Variants in HECW2 observed in about 807,000 individuals in gnomAD.
The protein encoded by HECW2 is E3 ubiquitin-protein ligase HECW2.
A neutral mutation model predicts 175.2 loss-of-function variants in HECW2; 61 were observed. The observed-to-expected ratio is 0.35, with a 90% CI of 0.28 to 0.43. The LOEUF (loss-of-function observed/expected upper bound fraction) is 0.43. HECW2 is among the 20% of genes least tolerant of loss of function. HECW2 has a pLI of 1.00. For missense variants in HECW2, 1,524 were observed against 2,000.5 expected (o/e 0.76, Z 4.54); for synonymous variants, 671 against 731.0 (o/e 0.92, Z 1.32).
intron 6 of HECW2, 42 bp from the exon 7 acceptor site, chr2:196,322,662 C>T: frequency 6.5e-7 from 1 of 1,538,048 alleles, no homozygotes; most frequent in Non-Finnish European, 9.0e-7. Flanking sequence ...AAAAGAAAGA[C>T]AAATATGATA....
intron 2 of HECW2, among the ~76,000 whole-genome samples, chr2:196,356,340 T>C (rs1353432221): frequency 2.6e-5 from 4 of 152,238 alleles, no homozygotes; most frequent in South Asian, 4.1e-4. Flanking sequence ...CTCGTATCCA[T>C]AGTTTCACTT....
chr2:196,239,178 C>A (rs373862367), intron 21 of HECW2: 4 of 152,252 alleles, frequency 2.6e-5, no homozygotes, highest in African/African-American at 9.6e-5. Flanking sequence ...CTCATGCAAA[C>A]TTCTGTACAA....
intron 1 of HECW2, among the ~76,000 whole-genome samples, chr2:196,459,884 C>T (rs10205407): frequency 2.6e-5 from 4 of 151,842 alleles, no homozygotes; most frequent in Non-Finnish European, 5.9e-5. Flanking sequence ...AACCATGGGT[C>T]CCCTGGTGAA....
At chr2:196,569,312 A>G (rs1450553301) in intron 1 of HECW2, among the ~76,000 whole-genome samples, 2 of 151,650 alleles carry the variant, frequency 1.3e-5, no homozygotes, top group African/African-American at 2.4e-5. Flanking sequence ...ACTGCACTCC[A>G]GCCTGGGTGA....
chr2:196,445,596 G>T (rs1183753789), intron 1 of HECW2, among the ~76,000 whole-genome samples: 2 of 152,116 alleles, frequency 1.3e-5, no homozygotes, highest in Non-Finnish European at 2.9e-5. Flanking sequence ...AAAAATAAAA[G>T]TCAAGCTACA....
At chr2:196,349,230 A>G (rs1488868465) in intron 2 of HECW2, among the ~76,000 whole-genome samples, 1 of 152,046 alleles carries the variant, frequency 6.6e-6, no homozygotes, top group Non-Finnish European at 1.5e-5. Flanking sequence ...CTTCTTTCCC[A>G]TCCTCATTCC....
Position 196,426,725 on chromosome 2 carries a change from C to T in HECW2, c.292+6407G>A, listed in dbSNP as rs183291340. Among the ~76,000 whole-genome samples, 128 of 152,188 alleles carry T rather than the reference C, an allele frequency of 8.4e-4. 1 individual carries two copies. Among genetic ancestry groups the T allele is most frequent in the South Asian group, 4.1e-4 (2 of 4,826 alleles). On this transcript the variant is annotated intron_variant, in intron 2 of 28. Coordinates refer to ENST00000644978, the MANE Select transcript of HECW2 (RefSeq NM_001348768.2). The stretch of plus-strand genomic sequence containing the variant: ...AGGAAAGAAAAATGAAGACTTGGAA[C>T]ATAGGACACTGAAGTTCCAGCCTTG...
chr2:196,391,628 T>G (rs1694513461), intron 2 of HECW2, among the ~76,000 whole-genome samples: 2 of 152,224 alleles, frequency 1.3e-5, no homozygotes, highest in African/African-American at 4.8e-5. Context: ...TGCTTAACTC[T>G]TTGGAATTAG....
chr2:196,387,275 T>C (rs147418771), intron 2 of HECW2, among the ~76,000 whole-genome samples: 1 of 152,258 alleles, frequency 6.6e-6, no homozygotes, highest in African/African-American at 2.4e-5. Flanking sequence ...AAAAACCATA[T>C]GTTGACTTCA....
chr2:196,522,599 T>C (rs1688445274), intron 1 of HECW2, among the ~76,000 whole-genome samples: 1 of 152,134 alleles, frequency 6.6e-6, no homozygotes, highest in Non-Finnish European at 1.5e-5. Flanking sequence ...TTCTAGGGTT[T>C]TTATGGTGTT....
At chr2:196,527,367 G>T (rs535148480) in intron 1 of HECW2, among the ~76,000 whole-genome samples, 2 of 152,232 alleles carry the variant, frequency 1.3e-5, no homozygotes, top group Non-Finnish European at 2.9e-5. Context: ...ACTGGCCTGC[G>T]CCCACTGTCT....
At chr2:196,507,143 A>C (rs1687786477) in intron 1 of HECW2, among the ~76,000 whole-genome samples, 1 of 69,848 alleles carries the variant, frequency 1.4e-5, no homozygotes, top group Admixed American at 1.5e-4. Flanking sequence ...TACACACGTT[A>C]GTGTGTATAT....
rs1686785363 is a variant in HECW2 at position 196,199,373 on chromosome 2, C to A, written c.*1904G>T. The A allele has an allele frequency of 6.6e-6, 1 of 152,498 alleles. No homozygotes were observed. The highest frequency in any genetic ancestry group is 6.6e-5 in the Admixed American group (1 of 15,254). 9.4% of individuals were successfully genotyped at this position (152,498 alleles called of 1,614,324 possible). On this transcript the variant is annotated 3_prime_UTR_variant, in exon 29 of 29. Transcript: ENST00000644978. Reference sequence around the variant, plus strand: ...ACAGAGAGCTCTTCCTTTCTTATTTCCAGATTTCTATAACCCTTTTTCAGA... The same window carrying A: ...ACAGAGAGCTCTTCCTTTCTTATTTACAGATTTCTATAACCCTTTTTCAGA...
At chr2:196,528,864 T>C (rs1688754084) in intron 1 of HECW2, among the ~76,000 whole-genome samples, 1 of 152,246 alleles carries the variant, frequency 6.6e-6, no homozygotes, top group African/African-American at 2.4e-5. Flanking sequence ...AACAGTCAGG[T>C]ACCTGGAAAC....
chr2:196,293,185 T>A (rs112441986), intron 13 of HECW2, among the ~76,000 whole-genome samples: 2,522 of 152,268 alleles, frequency 0.017, 73 homozygotes, highest in African/African-American at 0.058. Flanking sequence ...CCAGTGTGTG[T>A]TGTTCCCCTC....
intron 1 of HECW2, among the ~76,000 whole-genome samples, chr2:196,536,179 T>C (rs1689014329): frequency 6.6e-6 from 1 of 152,192 alleles, no homozygotes; most frequent in East Asian, 1.9e-4. Context: ...AACAAGCCGA[T>C]AATTAATAGG....
chr2:196,425,148 G>A (rs968028115), intron 2 of HECW2, among the ~76,000 whole-genome samples: 1 of 150,502 alleles, frequency 6.6e-6, no homozygotes, highest in African/African-American at 2.4e-5. Flanking sequence ...CAGCACATCT[G>A]TCATTTAGAT....
chr2:196,524,250 T>A (rs1348096487), intron 1 of HECW2, among the ~76,000 whole-genome samples: 2 of 135,362 alleles, frequency 1.5e-5, no homozygotes, highest in Admixed American at 7.1e-5. Context: ...CTAGATTTTC[T>A]AGTTTATTTG....
At chr2:196,331,132 G>T in intron 4 of HECW2, 1 of 984,980 alleles carries the variant, frequency 1.0e-6, no homozygotes, top group Non-Finnish European at 1.2e-6. Context: ...CCACTTAACT[G>T]CATCCTGATT....
Sources: allele counts gnomAD v4.1 joint callset (sites outside exome capture counted in the v4.1 genomes callset), GRCh38; gene constraint gnomAD v4.1.1; transcripts MANE v1.5; gene names NCBI Gene and HGNC (gene_info 2026-07-23, HGNC 2026-07-21).